Variants in DSG2 observed in about 807,000 individuals in gnomAD.
DSG2 encodes desmoglein-2.
In DSG2, 45 loss-of-function variants were observed where a neutral mutation model predicts 75.6. The observed-to-expected ratio is 0.60, with a 90% CI of 0.47 to 0.76. The LOEUF (loss-of-function observed/expected upper bound fraction) is 0.76. Ranked by LOEUF, DSG2 falls within the 30% of genes least tolerant of loss-of-function variation. The pLI is 0.00. For synonymous variants in DSG2, 429 were observed against 483.9 expected (o/e 0.89, Z 1.49); for missense variants, 1,267 against 1,357.4 (o/e 0.93, Z 1.05).
intron 13 of DSG2, among the ~76,000 whole-genome samples, chr18:31,541,573 G>A (rs1451918497): frequency 6.6e-6 from 1 of 152,162 alleles, no homozygotes; most frequent in Non-Finnish European, 1.5e-5. Flanking sequence ...GCAAGAGTGT[G>A]TAGGAATCTA....
intron 1 of DSG2, among the ~76,000 whole-genome samples, chr18:31,507,296 A>G (rs1179909725): frequency 6.6e-6 from 1 of 152,152 alleles, no homozygotes; most frequent in Non-Finnish European, 1.5e-5. Flanking sequence ...CATGGTGTAT[A>G]TGTACCACAT....
chr18:31,521,797 C>T (rs1355571373), intron 5 of DSG2, among the ~76,000 whole-genome samples: 1 of 152,152 alleles, frequency 6.6e-6, no homozygotes, highest in Admixed American at 6.5e-5. Context: ...GCTCATGTTA[C>T]TTTCTTTGTA....
At chr18:31,526,472 G>C (rs1312038633) in intron 8 of DSG2, among the ~76,000 whole-genome samples, 2 of 152,180 alleles carry the variant, frequency 1.3e-5, no homozygotes, top group African/African-American at 4.8e-5. Context: ...TTTAAAAGCA[G>C]AGTAAAATTG....
chr18:31,516,408 G>T (rs1266500738), intron 1 of DSG2, among the ~76,000 whole-genome samples: 2 of 152,116 alleles, frequency 1.3e-5, no homozygotes, highest in Admixed American at 1.3e-4. Context: ...TAATACATGG[G>T]GTCATCTCAT....
intron 11 of DSG2, among the ~76,000 whole-genome samples, chr18:31,538,120 A>T (rs531485393): frequency 6.6e-6 from 1 of 152,010 alleles, no homozygotes; most frequent in East Asian, 1.9e-4. Context: ...TAAAAAAAAG[A>T]AAAAGTGGGT....
intron 8 of DSG2, among the ~76,000 whole-genome samples, chr18:31,527,523 C>T (rs2073169791): frequency 6.6e-6 from 1 of 152,192 alleles, no homozygotes; most frequent in South Asian, 2.1e-4. Context: ...ATTACAAAGT[C>T]ATTGTCTCAA....
At chr18:31,507,066 A>C (rs912642444) in intron 1 of DSG2, among the ~76,000 whole-genome samples, 2 of 151,958 alleles carry the variant, frequency 1.3e-5, no homozygotes, top group Non-Finnish European at 2.9e-5. Context: ...TCCTAGTACT[A>C]TCCCTCCCCT....
At position 31,520,470 on chromosome 18, in the gene DSG2, C is replaced by T. The variant is rs570986047; in HGVS notation, c.217-333C>T. Among the ~76,000 whole-genome samples, 38 of 152,036 alleles carry T rather than the reference C, an allele frequency of 2.5e-4. No individual in the cohort carries two copies. The South Asian group carries it at 7.5e-3, about 30-fold the overall frequency. ...ACAAACATAAACCCTTCATTTTTTT[C>T]CCCCCAAAGCTTTTCTTCATAAGTT... is the stretch of plus-strand genomic sequence containing the variant. On this transcript the variant is annotated intron_variant, in intron 3 of 14. Coordinates refer to ENST00000261590, the MANE Select transcript of DSG2 (RefSeq NM_001943.5).
rs1022144294 is a variant in DSG2 at position 31,547,711 on chromosome 18, A to T, written c.*968A>T. The T allele has an allele frequency of 2.0e-5, 3 of 151,988 alleles. No homozygotes were observed. The highest frequency in any genetic ancestry group is 4.4e-5 in the Non-Finnish European group (3 of 67,988). 9.4% of individuals were successfully genotyped at this position (151,988 alleles called of 1,614,324 possible). A position where few individuals can be genotyped will look rare whatever the true frequency, so the allele number is the denominator to read the frequency against. ...AAGAAAAGGAAAAAAAAATAGCATT[A>T]TACCTCTTCCTTGTCTCAACCGCCA... On this transcript the variant is annotated 3_prime_UTR_variant, in exon 15 of 15. Coordinates refer to ENST00000261590, the MANE Select transcript of DSG2 (RefSeq NM_001943.5).
intron 13 of DSG2, 61 bp downstream of exon 13, chr18:31,541,375 A>T: frequency 1.3e-6 from 2 of 1,598,714 alleles, no homozygotes; most frequent in South Asian, 2.2e-5. Context: ...GGGCCTAGGG[A>T]AGTGTTTCTT....
In DSG2 at chr18:31,546,014, T is replaced by C. The variant is rs775842543; in HGVS notation, c.2628T>C (p.Val876=). ...ASHSLCEQTM[V]NSENTYSSGS... ...ATTCACTCTGTGAGCAAACTATGGT[T>C]AATTCAGAGAATACCTACTCCTCTG... is the stretch of plus-strand genomic sequence containing the variant. The change falls in exon 15 of 15, where the codon GTT becomes GTC. Residue 876 remains valine, a synonymous_variant. Coordinates refer to ENST00000261590, the MANE Select transcript of DSG2 (RefSeq NM_001943.5). The C allele has an allele frequency of 3.5e-5, 56 of 1,614,080 alleles. No homozygotes were observed. Among genetic ancestry groups the C allele is most frequent in the Non-Finnish European group, 4.3e-5 (51 of 1,180,056 alleles).
At position 31,541,267 on chromosome 18, in the gene DSG2, G is replaced by C. The variant is rs753743502; in HGVS notation, c.1954G>C (p.Glu652Gln). ...CTTTACCCCCATACCTGGCACCATA[G>C]AGATGCTGCATCCTTGGAATAATGA... Reference protein sequence around the residue: ...KGFTPIPGTIEMLHPWNNEGA... With the variant: ...KGFTPIPGTIQMLHPWNNEGA... Residue 652 changes from glutamate to glutamine, a missense_variant, in exon 13 of 15, where the codon GAG becomes CAG. Glu to Gln is a conservative substitution (Grantham distance 29). Transcript: ENST00000261590. 6 of 1,614,146 alleles carry C rather than the reference G, an allele frequency of 3.7e-6. No homozygotes were observed. In the South Asian group the frequency reaches 6.6e-5, roughly 18 times the overall value.
chr18:31,530,696 G>A (rs2073190807), intron 8 of DSG2, among the ~76,000 whole-genome samples: 2 of 152,128 alleles, frequency 1.3e-5, no homozygotes, highest in Non-Finnish European at 2.9e-5. Flanking sequence ...TGGGATTACA[G>A]GCATGAGCCA....
rs727504783 is a variant in DSG2 at position 31,542,752 on chromosome 18, C to A, written c.2234C>A (p.Thr745Lys). ...GGCGCTATCATGACCACTGAAACCA[C>A]GAAGACCGCAAGGGCCACAGGGGCT... Reference protein sequence around the residue: ...ATGAIMTTETTKTARATGASR... With the variant: ...ATGAIMTTETKKTARATGASR... Residue 745 changes from threonine to lysine, a missense_variant, in exon 14 of 15, where the codon ACG becomes AAG. Transcript: ENST00000261590. 2 of 1,613,998 alleles carry A rather than the reference C, an allele frequency of 1.2e-6. No homozygotes were observed. The highest frequency in any genetic ancestry group is 3.3e-5 in the Admixed American group (2 of 60,004).
At chr18:31,521,077 C>A in intron 4 of DSG2, 22 bp from the exon 5 acceptor site, 1 of 1,613,514 alleles carries the variant, frequency 6.2e-7, no homozygotes. Context: ...TAAATCTAAT[C>A]TTATTTATGT....
chr18:31,522,398 C>A, intron 6 of DSG2, 149 bp downstream of exon 6: 1 of 739,428 alleles, frequency 1.4e-6, no homozygotes. Context: ...GATGTGCTGT[C>A]CAATATGGGC....
At chr18:31,531,810 G>A (rs1167165870) in intron 9 of DSG2, among the ~76,000 whole-genome samples, 4 of 152,220 alleles carry the variant, frequency 2.6e-5, no homozygotes, top group African/African-American at 9.6e-5. Flanking sequence ...GAACCTACAA[G>A]ATGCTCACTG....
chr18:31,538,678 T>G, intron 11 of DSG2, 73 bp from the exon 12 acceptor site: 5 of 1,177,650 alleles, frequency 4.2e-6, no homozygotes, highest in Non-Finnish European at 6.3e-6. Context: ...TGAAAGAACA[T>G]TTGTGGAATT....
Position 31,541,452 on chromosome 18 carries a change from A to C in DSG2, c.2001+138A>C. ...ACTCATGTGCCTTTGTTAAGCAAAG[A>C]GTTCAAATGACAGCATATTTTGTGT... is the stretch of plus-strand genomic sequence containing the variant. On this transcript the variant is annotated intron_variant, in intron 13 of 14. Transcript: ENST00000261590. 3 of 1,140,626 alleles carry C rather than the reference A, an allele frequency of 2.6e-6. No individual in the cohort carries two copies. In the East Asian group the frequency reaches 7.7e-5, roughly 29 times the overall value. 70.7% of individuals were successfully genotyped at this position (1,140,626 alleles called of 1,614,324 possible).
Sources: allele counts gnomAD v4.1 joint callset (sites outside exome capture counted in the v4.1 genomes callset), GRCh38; gene constraint gnomAD v4.1.1; transcripts MANE v1.5; gene names NCBI Gene and HGNC (gene_info 2026-07-23, HGNC 2026-07-21).